ATG10: variants seen among roughly 807,000 people sequenced by gnomAD.
The protein encoded by ATG10 is ubiquitin-like-conjugating enzyme ATG10.
A neutral mutation model predicts 32.1 loss-of-function variants in ATG10; 30 were observed. That is an observed-to-expected ratio of 0.94 (90% CI 0.70 to 1.27). The LOEUF (loss-of-function observed/expected upper bound fraction) is 1.27, where lower values mean the gene tolerates loss of function less well. Ranked by LOEUF, ATG10 falls within the 50% of genes most tolerant of loss-of-function variation. The probability of loss-of-function intolerance (pLI) is 0.00; values close to 1 mark genes in which losing one functional copy is unlikely to be tolerated. For synonymous variants in ATG10, 87 were observed against 91.5 expected, an observed-to-expected ratio of 0.95 and a Z score of 0.28; for missense variants, 233 against 262.3, an observed-to-expected ratio of 0.89 and a Z score of 0.77.
At chr5:82,206,636 C>A (rs565063079) in intron 5 of ATG10, among the ~76,000 whole-genome samples, 1 of 146,740 alleles carries the variant, frequency 6.8e-6, no homozygotes, top group South Asian at 2.1e-4. Flanking sequence ...GGCGACAGAG[C>A]GAGACTCCAT....
At chr5:82,095,825 A>G (rs1235042531) in intron 3 of ATG10, among the ~76,000 whole-genome samples, 4 of 152,092 alleles carry the variant, frequency 2.6e-5, no homozygotes. Context: ...CTTTACTCCT[A>G]GGGATAAGCT....
intron 5 of ATG10, among the ~76,000 whole-genome samples, chr5:82,191,170 G>A (rs1484378995): frequency 1.3e-5 from 2 of 152,190 alleles, no homozygotes; most frequent in African/African-American, 4.8e-5. Context: ...TTTGATTGGA[G>A]TCACGTATCA....
chr5:82,011,834 C>G (rs546712722), intron 2 of ATG10, among the ~76,000 whole-genome samples: 17 of 152,304 alleles, frequency 1.1e-4, no homozygotes, highest in Middle Eastern at 6.8e-3. Flanking sequence ...GTCCCCTTAG[C>G]TTCCCCTACA....
intron 2 of ATG10, among the ~76,000 whole-genome samples, chr5:82,047,575 C>T (rs1010425118): frequency 6.6e-6 from 1 of 152,138 alleles, no homozygotes; most frequent in African/African-American, 2.4e-5. Flanking sequence ...TGTGCTTCTC[C>T]CCACATCAGG....
At chr5:82,085,359 T>A (rs1764644842) in intron 3 of ATG10, among the ~76,000 whole-genome samples, 1 of 151,982 alleles carries the variant, frequency 6.6e-6, no homozygotes, top group Non-Finnish European at 1.5e-5. Flanking sequence ...ACAAAGAGAC[T>A]TAGACTCCCA....
chr5:82,073,853 A>G (rs1764198058), intron 3 of ATG10, among the ~76,000 whole-genome samples: 1 of 152,208 alleles, frequency 6.6e-6, no homozygotes, highest in Non-Finnish European at 1.5e-5. Context: ...AGGTTTACAA[A>G]TGTTCACTTT....
chr5:82,135,591 T>C (rs1375688269), intron 3 of ATG10, among the ~76,000 whole-genome samples: 1 of 152,212 alleles, frequency 6.6e-6, no homozygotes, highest in Non-Finnish European at 1.5e-5. Flanking sequence ...TGAGAGACTG[T>C]TATGATTTCT....
At chr5:82,194,664 A>C (rs1260659423) in intron 5 of ATG10, among the ~76,000 whole-genome samples, 1 of 152,216 alleles carries the variant, frequency 6.6e-6, no homozygotes, top group Admixed American at 6.5e-5. Context: ...TAGATCCCAC[A>C]GCCTTGGATA....
In ATG10 at chr5:81,987,909, A is replaced by C. The variant is rs544342665; in HGVS notation, c.108+231A>C. The stretch of plus-strand genomic sequence containing the variant: ...TGAAGTATTATTTTGAAAAGTCCTT[A>C]CGTAACCTGCTTAATTTAATAGATA... On this transcript the variant is annotated intron_variant, in intron 2 of 7. Transcript: ENST00000282185. 9.2e-4 allele frequency among the ~76,000 whole-genome samples: 140 copies of C among 152,330 alleles called. 1 individual carries two copies. The highest frequency in any genetic ancestry group is 1.8e-3 in the Non-Finnish European group (122 of 68,034).
At chr5:82,019,711 A>G (rs1762386206) in intron 2 of ATG10, among the ~76,000 whole-genome samples, 1 of 152,064 alleles carries the variant, frequency 6.6e-6, no homozygotes, top group South Asian at 2.1e-4. Flanking sequence ...ACAGATGGGG[A>G]GGGAGGGAGG....
intron 5 of ATG10, among the ~76,000 whole-genome samples, chr5:82,241,309 C>T (rs1162056811): frequency 6.6e-6 from 1 of 152,202 alleles, no homozygotes; most frequent in South Asian, 2.1e-4. Context: ...TGGGCTACTA[C>T]AGTAACCTCC....
chr5:82,078,137 T>C (rs1764339480), intron 3 of ATG10, among the ~76,000 whole-genome samples: 1 of 152,248 alleles, frequency 6.6e-6, no homozygotes. Flanking sequence ...ACAGAGGATA[T>C]ACATTCTTGT....
At chr5:82,114,174 G>A (rs1765704334) in intron 3 of ATG10, among the ~76,000 whole-genome samples, 2 of 151,872 alleles carry the variant, frequency 1.3e-5, no homozygotes, top group South Asian at 2.1e-4. Context: ...GTTGGACTGT[G>A]GTTCTTATTT....
chr5:82,106,993 A>G (rs1052368590), intron 3 of ATG10, among the ~76,000 whole-genome samples: 2 of 152,052 alleles, frequency 1.3e-5, no homozygotes, highest in African/African-American at 2.4e-5. Flanking sequence ...TCTGCATAAC[A>G]TTAGTGTAAC....
intron 3 of ATG10, chr5:82,073,733 T>C (rs1180344580): frequency 6.6e-6 from 1 of 152,194 alleles, no homozygotes; most frequent in Non-Finnish European, 1.5e-5. Flanking sequence ...TAAGTTTAAT[T>C]TGCTCTCCAC....
Position 82,058,473 on chromosome 5 carries a change from AT to A in ATG10, c.109-16del. ...TAAAATAATTGGCATTTTCTTATAT[AT>A]TTTTTGGTGATGAAACACAGGACTG... On this transcript the variant is annotated intron_variant, in intron 2 of 7. Coordinates refer to ENST00000282185, the MANE Select transcript of ATG10 (RefSeq NM_031482.5). 2.0e-6 allele frequency: 3 copies of A among 1,525,986 alleles called. No homozygotes were observed. The South Asian group carries it at 3.5e-5, about 18-fold the overall frequency. 94.5% of individuals were successfully genotyped at this position (1,525,986 alleles called of 1,614,324 possible).
At chr5:82,098,924 A>G (rs945833415) in intron 3 of ATG10, among the ~76,000 whole-genome samples, 5 of 152,268 alleles carry the variant, frequency 3.3e-5, no homozygotes, top group African/African-American at 4.8e-5. Flanking sequence ...TATGAACTTT[A>G]TAAGATCAAT....
At chr5:82,025,097 G>T (rs1762557166) in intron 2 of ATG10, among the ~76,000 whole-genome samples, 1 of 152,190 alleles carries the variant, frequency 6.6e-6, no homozygotes, top group Non-Finnish European at 1.5e-5. Flanking sequence ...AAGCATGAAT[G>T]ACAAGTTTCA....
Position 82,190,443 on chromosome 5 carries a change from A to G in ATG10, c.453+11856A>G, listed in dbSNP as rs547732685. Among the ~76,000 whole-genome samples, 338 of 152,122 alleles carry G rather than the reference A, an allele frequency of 2.2e-3. 1 individual carries two copies. The highest frequency in any genetic ancestry group is 7.9e-3 in the African/African-American group (326 of 41,498). Reference sequence around the variant, plus strand: ...ACATCACAGACATTTTTGCATCCCAATATTTAAATACATCTTCATTTTCCC... The same window carrying G: ...ACATCACAGACATTTTTGCATCCCAGTATTTAAATACATCTTCATTTTCCC... On this transcript the variant is annotated intron_variant, in intron 5 of 7. Coordinates refer to ENST00000282185, the MANE Select transcript of ATG10 (RefSeq NM_031482.5).
Sources: gnomAD v4.1 joint callset for allele counts (sites outside exome capture counted in the v4.1 genomes callset) on GRCh38, gnomAD v4.1.1 for gene constraint, MANE v1.5 for transcripts, NCBI Gene and HGNC (gene_info 2026-07-23, HGNC 2026-07-21) for gene names.